FBXL13: variants seen among roughly 807,000 people sequenced by gnomAD.
FBXL13 encodes F-box and leucine-rich repeat protein 13.
FBXL13 carries 67 observed loss-of-function variants against 83.6 expected under a neutral mutation model. The ratio of observed to expected loss-of-function variants is 0.80; its 90% CI spans 0.66 to 0.98. FBXL13 has a LOEUF of 0.98. Ranked by LOEUF, FBXL13 falls within the 50% of genes least tolerant of loss-of-function variation. FBXL13 has a pLI of 0.00. For missense variants in FBXL13, 822 were observed against 866.5 expected (o/e 0.95, Z 0.64); for synonymous variants, 272 against 299.5 (o/e 0.91, Z 0.95).
chr7:102,813,616 G>A, intron 19 of FBXL13, 85 bp from the exon 21 acceptor site: 1 of 1,345,918 alleles, frequency 7.4e-7, no homozygotes, highest in Non-Finnish European at 1.0e-6. Flanking sequence ...TTGGAGTTAG[G>A]GAATTCACTG....
intron 1 of FBXL13, among the ~76,000 whole-genome samples, chr7:103,065,585 C>G (rs1326282897): frequency 6.6e-6 from 1 of 152,104 alleles, no homozygotes; most frequent in Non-Finnish European, 1.5e-5. Flanking sequence ...GAATGCAATT[C>G]AAAGAATTAC....
Position 103,022,546 on chromosome 7 carries a change from C to T in FBXL13, c.495+2517G>A, listed in dbSNP as rs553958949. 4.0e-5 allele frequency among the ~76,000 whole-genome samples: 6 copies of T among 151,478 alleles called. No homozygotes were observed. The South Asian group carries it at 1.3e-3, about 32-fold the overall frequency. The stretch of plus-strand genomic sequence containing the variant: ...GCCCAGAAATAATGCCACACATCTA[C>T]ACAATCAAGAAAAACAAGCAACAGG... On this transcript the variant is annotated intron_variant, in intron 6 of 19. Coordinates refer to ENST00000313221, the Ensembl canonical transcript of FBXL13.
intron 10 of FBXL13, among the ~76,000 whole-genome samples, chr7:102,918,137 G>A (rs908918915): frequency 1.3e-5 from 2 of 152,118 alleles, no homozygotes; most frequent in Admixed American, 6.5e-5. Context: ...TTACAGTTTC[G>A]AGAACATTTT....
chr7:103,031,421 G>A (rs1266643932), intron 2 of FBXL13: 4 of 152,216 alleles, frequency 2.6e-5, no homozygotes, highest in African/African-American at 9.6e-5. Context: ...TCCATCAACA[G>A]AATTAGAAAA....
chr7:102,878,701 A>C (rs900803349), intron 14 of FBXL13, among the ~76,000 whole-genome samples: 1 of 152,208 alleles, frequency 6.6e-6, no homozygotes, highest in Non-Finnish European at 1.5e-5. Context: ...AATTTTTAAT[A>C]AGACAGATGG....
chr7:103,063,109 C>T (rs1307657083), intron 1 of FBXL13, among the ~76,000 whole-genome samples: 2 of 152,204 alleles, frequency 1.3e-5, no homozygotes, highest in Non-Finnish European at 2.9e-5. Context: ...CCCACAAAGA[C>T]TTTTGAAGGA....
chr7:103,002,274 GAAAC>G (rs1353947175), intron 6 of FBXL13, among the ~76,000 whole-genome samples: 1 of 152,000 alleles, frequency 6.6e-6, no homozygotes, highest in African/African-American at 2.4e-5. Flanking sequence ...TGATCACAAA[GAAAC>G]AAAGTAAAAA....
chr7:102,829,824 A>G (rs993941112), intron 18 of FBXL13, among the ~76,000 whole-genome samples: 5 of 152,140 alleles, frequency 3.3e-5, no homozygotes, highest in Non-Finnish European at 1.5e-5. Flanking sequence ...CCAGACACCA[A>G]TGTGTTTTAC....
intron 10 of FBXL13, among the ~76,000 whole-genome samples, chr7:102,921,437 T>C (rs1225684644): frequency 6.6e-6 from 1 of 152,134 alleles, no homozygotes; most frequent in Non-Finnish European, 1.5e-5. Context: ...CCCAGCACTT[T>C]GGGAGGCCGA....
rs577406137 is a variant in FBXL13, at chr7:103,051,818, T to C, written c.-1+3826A>G. 3.3e-5 allele frequency among the ~76,000 whole-genome samples: 5 copies of C among 152,168 alleles called. No homozygotes were observed. In the East Asian group the frequency reaches 5.8e-4, roughly 18 times the overall value. ...CAGCTGGATTGGTTACAGATTGATG[T>C]TTTCCTTGGTTGAACACAGTTTGAA... On this transcript the variant is annotated intron_variant, in intron 2 of 19. Transcript: ENST00000313221.
intron 16 of FBXL13, among the ~76,000 whole-genome samples, chr7:102,862,457 A>G (rs1807013512): frequency 6.6e-6 from 1 of 152,182 alleles, no homozygotes; most frequent in South Asian, 2.1e-4. Flanking sequence ...TTTGGAGGAA[A>G]AACCCAATAT....
chr7:103,025,063 C>T, exon 6 of FBXL13: 1 of 1,606,890 alleles, frequency 6.2e-7, no homozygotes. Flanking sequence ...TCATACAAAC[C>T]TGTAATATTG....
intron 1 of FBXL13, among the ~76,000 whole-genome samples, chr7:103,065,267 C>G (rs1427832563): frequency 6.6e-6 from 1 of 152,190 alleles, no homozygotes; most frequent in Non-Finnish European, 1.5e-5. Context: ...GTACCTATCA[C>G]CCAGTTTCAA....
chr7:103,033,892 T>C (rs1027415444), intron 2 of FBXL13, among the ~76,000 whole-genome samples: 37 of 152,116 alleles, frequency 2.4e-4, no homozygotes, highest in African/African-American at 8.0e-4. Flanking sequence ...AGGGCGCTGA[T>C]TGGTGTGTTT....
chr7:102,963,340 C>CA (rs1825574237), intron 8 of FBXL13, among the ~76,000 whole-genome samples, 193 bp downstream of exon 9: 1 of 151,374 alleles, frequency 6.6e-6, no homozygotes, highest in East Asian at 1.9e-4. Context: ...AAAGAATAGA[C>CA]AAAGAACCAA....
chr7:102,827,017 A>G (rs1046951284), intron 18 of FBXL13: 1 of 383,976 alleles, frequency 2.6e-6, no homozygotes, highest in Non-Finnish European at 5.7e-6. Context: ...CTTTGCAGCT[A>G]CTGTCAGCAA....
At chr7:102,983,160 T>A (rs1170925234) in intron 6 of FBXL13, among the ~76,000 whole-genome samples, 6 of 152,032 alleles carry the variant, frequency 3.9e-5, no homozygotes, top group African/African-American at 1.4e-4. Flanking sequence ...CTAAGAAAAA[T>A]CAATATTGTC....
Position 102,833,117 on chromosome 7 carries a change from C to CAGAAATT in FBXL13, c.1720-144_1720-143insAATTTCT, listed in dbSNP as rs1801012008. The CAGAAATT allele has an allele frequency of 7.1e-6, 6 of 841,310 alleles. No homozygotes were observed. In the Admixed American group the frequency reaches 8.6e-5, roughly 12 times the overall value. The allele number at this position is 841,310 out of a possible 1,614,324, so 52.1% of individuals were successfully genotyped here. On this transcript the variant is annotated intron_variant, in intron 17 of 19. Coordinates refer to ENST00000313221, the Ensembl canonical transcript of FBXL13. ...TGCCCCCAAAAAATAATTTAAAAAA[C>CAGAAATT]CCATGTTACATCCAACATCTGTTTA...
At chr7:103,014,917 G>A (rs1207597067) in intron 6 of FBXL13, among the ~76,000 whole-genome samples, 8 of 95,032 alleles carry the variant, frequency 8.4e-5, no homozygotes, top group Non-Finnish European at 1.3e-4. Flanking sequence ...GGGAGACTCC[G>A]TCTCAAAAAA....
Sources: gnomAD v4.1 joint callset for allele counts (sites outside exome capture counted in the v4.1 genomes callset) on GRCh38, gnomAD v4.1.1 for gene constraint, MANE v1.5 for transcripts, NCBI Gene and HGNC (gene_info 2026-07-23, HGNC 2026-07-21) for gene names.